Variants in PSMB2 observed in about 807,000 individuals in gnomAD.
PSMB2 encodes proteasome subunit beta type-2.
PSMB2 carries 13 observed loss-of-function variants against 25.7 expected under a neutral mutation model. The observed-to-expected ratio is 0.51, with a 90% CI of 0.33 to 0.80. The LOEUF (loss-of-function observed/expected upper bound fraction) is 0.80. Ranked by LOEUF, PSMB2 falls within the 30% of genes least tolerant of loss-of-function variation. The pLI is 0.02. For missense variants in PSMB2, 202 were observed against 259.0 expected, an observed-to-expected ratio of 0.78 and a Z score of 1.51; for synonymous variants, 87 against 96.2, an observed-to-expected ratio of 0.90 and a Z score of 0.56.
At chr1:35,628,953 G>A (rs930019767) in intron 3 of PSMB2, among the ~76,000 whole-genome samples, 1 of 152,118 alleles carries the variant, frequency 6.6e-6, no homozygotes. Flanking sequence ...AATAGCATCA[G>A]TGTTCTAGAA....
At chr1:35,612,351 G>A (rs1256267256) in intron 3 of PSMB2, among the ~76,000 whole-genome samples, 1 of 151,322 alleles carries the variant, frequency 6.6e-6, no homozygotes, top group African/African-American at 2.4e-5. Context: ...TATCTTCTAG[G>A]AAATATAATG....
intron 3 of PSMB2, among the ~76,000 whole-genome samples, chr1:35,619,598 A>C (rs1650617158): frequency 6.6e-6 from 1 of 152,224 alleles, no homozygotes; most frequent in South Asian, 2.1e-4. Context: ...TTTACAACCA[A>C]AAAAATTTAA....
At chr1:35,626,150 C>A (rs1286282506) in intron 3 of PSMB2, among the ~76,000 whole-genome samples, 1 of 152,082 alleles carries the variant, frequency 6.6e-6, no homozygotes, top group Non-Finnish European at 1.5e-5. Context: ...AGAAAGCAAG[C>A]CTTGAGCATA....
At chr1:35,616,451 G>C (rs191312746) in intron 3 of PSMB2, among the ~76,000 whole-genome samples, 1 of 152,122 alleles carries the variant, frequency 6.6e-6, no homozygotes, top group Non-Finnish European at 1.5e-5. Flanking sequence ...AAGTGCAGTG[G>C]CTATCCACAG....
chr1:35,640,145 G>T (rs1049609528), intron 1 of PSMB2, among the ~76,000 whole-genome samples: 19 of 151,108 alleles, frequency 1.3e-4, no homozygotes, highest in African/African-American at 4.7e-4. Context: ...GAAGATTTTG[G>T]TTGTTTTTCT....
intron 4 of PSMB2, among the ~76,000 whole-genome samples, 190 bp downstream of exon 4, chr1:35,609,056 A>T (rs1276374017): frequency 6.6e-6 from 1 of 152,250 alleles, no homozygotes; most frequent in Admixed American, 6.5e-5. Flanking sequence ...AAAAAATAGA[A>T]CTTACATCAG....
chr1:35,614,271 T>C (rs994174973), intron 3 of PSMB2, among the ~76,000 whole-genome samples: 3 of 152,212 alleles, frequency 2.0e-5, no homozygotes, highest in Non-Finnish European at 2.9e-5. Context: ...CAGTTTTTCA[T>C]CAGTTCCCTT....
intron 5 of PSMB2, 87 bp from the exon 6 acceptor site, chr1:35,603,461 C>G: frequency 6.8e-7 from 1 of 1,470,806 alleles, no homozygotes; most frequent in South Asian, 1.3e-5. Context: ...GGGATACAAG[C>G]AAACAAAAAT....
intron 5 of PSMB2, 138 bp from the exon 6 acceptor site, chr1:35,603,512 G>T: frequency 9.7e-7 from 1 of 1,027,800 alleles, no homozygotes; most frequent in Non-Finnish European, 1.4e-6. Context: ...GAGGCAGTTG[G>T]CAGTAGGGCA....
intron 2 of PSMB2, among the ~76,000 whole-genome samples, chr1:35,631,836 C>T (rs1432577259): frequency 7.2e-5 from 11 of 152,030 alleles, no homozygotes; most frequent in Non-Finnish European, 5.9e-5. Context: ...GCCTGGGCAA[C>T]ATAGTGAGAC....
At chr1:35,615,174 G>A (rs951172859) in intron 3 of PSMB2, among the ~76,000 whole-genome samples, 4 of 152,232 alleles carry the variant, frequency 2.6e-5, no homozygotes, top group Non-Finnish European at 4.4e-5. Flanking sequence ...GTGGGCTACA[G>A]AGAGCCAATA....
Position 35,599,928 on chromosome 1 carries a change from T to C in PSMB2, c.*3339A>G, listed in dbSNP as rs1390169160. The C allele has an allele frequency of 3.5e-6, 3 of 854,136 alleles. No individual in the cohort carries two copies. Among genetic ancestry groups the C allele is most frequent in the East Asian group, 2.5e-4 (2 of 8,146 alleles). The allele number at this position is 854,136 out of a possible 1,614,324, so 52.9% of individuals were successfully genotyped here. ...TGGGAGGATCACTTGAGGCCAAGAG[T>C]TCGAGACCAGCCTAGGCAACATGGC... On this transcript the variant is annotated 3_prime_UTR_variant, in exon 6 of 6. Coordinates refer to ENST00000373237, the MANE Select transcript of PSMB2 (RefSeq NM_002794.5).
intron 3 of PSMB2, among the ~76,000 whole-genome samples, chr1:35,619,818 T>C (rs915030647): frequency 3.9e-5 from 6 of 152,216 alleles, no homozygotes; most frequent in South Asian, 2.1e-4. Flanking sequence ...TTATACCAAA[T>C]AGTTAACACA....
chr1:35,635,631 C>A (rs1210159260), intron 2 of PSMB2, among the ~76,000 whole-genome samples: 1 of 151,964 alleles, frequency 6.6e-6, no homozygotes, highest in Non-Finnish European at 1.5e-5. Flanking sequence ...GAGATGGAGA[C>A]CATCCTGGTC....
At chr1:35,623,764 G>A (rs535923626) in intron 3 of PSMB2, among the ~76,000 whole-genome samples, 6 of 152,320 alleles carry the variant, frequency 3.9e-5, no homozygotes, top group East Asian at 3.9e-4. Context: ...GCAGTGCTGC[G>A]TCATGTCACA....
intron 3 of PSMB2, among the ~76,000 whole-genome samples, chr1:35,610,517 C>T (rs751223958): frequency 5.3e-5 from 8 of 152,094 alleles, no homozygotes; most frequent in South Asian, 4.2e-4. Flanking sequence ...TTTTTTGAGA[C>T]GGAGTCTGGC....
At position 35,625,485 on chromosome 1, in the gene PSMB2, G is replaced by T. The variant is rs150764601; in HGVS notation, c.285+5789C>A. Among the ~76,000 whole-genome samples, 401 of 152,120 alleles carry T rather than the reference G, an allele frequency of 2.6e-3. 4 individuals are homozygous for T. The highest frequency in any genetic ancestry group is 9.3e-3 in the African/African-American group (387 of 41,512). ...ATTCATTTTAAGTAAGAAATAGGCT[G>T]GGCATGGTGGCTCATGCCTGTAATC... On this transcript the variant is annotated intron_variant, in intron 3 of 5. Transcript: ENST00000373237.
intron 3 of PSMB2, among the ~76,000 whole-genome samples, chr1:35,626,964 C>A (rs556879623): frequency 6.6e-6 from 1 of 152,016 alleles, no homozygotes; most frequent in Non-Finnish European, 1.5e-5. Flanking sequence ...GATTTTCCAC[C>A]AGAAACTGAA....
intron 1 of PSMB2, 143 bp from the exon 2 acceptor site, chr1:35,636,575 G>T: frequency 3.1e-6 from 3 of 952,544 alleles, no homozygotes; most frequent in East Asian, 3.0e-5. Flanking sequence ...AACAAACTAT[G>T]GATCAAAATT....
Sources: allele counts gnomAD v4.1 joint callset (sites outside exome capture counted in the v4.1 genomes callset), GRCh38; gene constraint gnomAD v4.1.1; transcripts MANE v1.5; gene names NCBI Gene and HGNC (gene_info 2026-07-23, HGNC 2026-07-21).